PGC: variants seen among roughly 807,000 people sequenced by gnomAD.
The protein encoded by PGC is progastricsin, also known as gastricsin.
A neutral mutation model predicts 45.9 loss-of-function variants in PGC; 31 were observed. The ratio of observed to expected loss-of-function variants is 0.67; its 90% CI spans 0.51 to 0.91. PGC has a LOEUF of 0.91. PGC is among the 40% of genes least tolerant of loss of function. The pLI is 0.00. For synonymous variants in PGC, 192 were observed against 201.8 expected, an observed-to-expected ratio of 0.95 and a Z score of 0.41; for missense variants, 477 against 493.2, an observed-to-expected ratio of 0.97 and a Z score of 0.31.
intron 1 of PGC, among the ~76,000 whole-genome samples, chr6:41,745,211 G>A (rs1246180834): frequency 6.6e-6 from 1 of 150,734 alleles, no homozygotes; most frequent in Non-Finnish European, 1.5e-5. Context: ...AAGGAAGAGG[G>A]ACTTTAGGCT....
Position 41,746,162 on chromosome 6 carries a change from CA to C in PGC, c.59+1113del, listed in dbSNP as rs11461815. Among the ~76,000 whole-genome samples, 54 of 144,986 alleles carry C rather than the reference CA, an allele frequency of 3.7e-4. 1 individual carries two copies. The East Asian group carries it at 7.1e-3, about 19-fold the overall frequency. The stretch of plus-strand genomic sequence containing the variant: ...GGGCAACAAGAGCGAAGTTCTGTTT[CA>C]AAAAAAAAAACAAAGAAGATTTCAG... On this transcript the variant is annotated intron_variant, in intron 1 of 8. Transcript: ENST00000373025.
intron 5 of PGC, chr6:41,741,218 T>G (rs1581952448): frequency 3.3e-6 from 5 of 1,513,234 alleles, no homozygotes; most frequent in Non-Finnish European, 4.4e-6. Context: ...TGGAGCTGGG[T>G]GGAGCTGCTC....
In PGC at chr6:41,739,807, A is replaced by G; in HGVS notation, c.907T>C (p.Tyr303His). 1.2e-6 allele frequency: 2 copies of G among 1,613,042 alleles called. No individual in the cohort carries two copies. Among genetic ancestry groups the G allele is most frequent in the Non-Finnish European group, 1.7e-6 (2 of 1,179,480 alleles). ...LQATGAQEDE[Y>H]GQFLVNCNSI... The stretch of plus-strand genomic sequence containing the variant: ...ACCCTCACCAGTCACACCTGTCCAT[A>G]CTCATCCTCCTGGGCCCCTGTGGCC... Residue 303 changes from tyrosine to histidine, a missense_variant, in exon 7 of 9, where the codon TAT (tyrosine) becomes CAT (histidine). Coordinates refer to ENST00000373025, the MANE Select transcript of PGC (RefSeq NM_002630.4).
intron 7 of PGC, among the ~76,000 whole-genome samples, chr6:41,738,241 T>TATACATATATATATAC (rs1771751527): frequency 4.6e-5 from 1 of 21,782 alleles, no homozygotes; most frequent in Admixed American, 7.5e-4. Context: ...TATATATGTA[T>TATACATATATATATAC]ATATATATGC....
At chr6:41,743,706 T>G (rs540709113) in intron 3 of PGC, among the ~76,000 whole-genome samples, 2 of 152,196 alleles carry the variant, frequency 1.3e-5, no homozygotes, top group East Asian at 1.9e-4. Flanking sequence ...CAGTGCTGAG[T>G]AATTACTCAT....
At chr6:41,743,956 C>G (rs1225267794) in intron 3 of PGC, among the ~76,000 whole-genome samples, 1 of 152,120 alleles carries the variant, frequency 6.6e-6, no homozygotes. Flanking sequence ...AGTACGGAGC[C>G]CACATCCTAT....
At chr6:41,738,720 G>T (rs1268077947) in intron 7 of PGC, among the ~76,000 whole-genome samples, 1 of 152,118 alleles carries the variant, frequency 6.6e-6, no homozygotes, top group Non-Finnish European at 1.5e-5. Context: ...ACTTTGGGAG[G>T]CCAAGGCAGG....
At chr6:41,743,240 G>T in intron 4 of PGC, 31 bp downstream of exon 4, 2 of 1,302,166 alleles carry the variant, frequency 1.5e-6, no homozygotes, top group Non-Finnish European at 2.2e-6. Context: ...ATAGCTCACA[G>T]CCCCAGCCTC....
intron 5 of PGC, among the ~76,000 whole-genome samples, chr6:41,741,620 C>A (rs557340099): frequency 6.6e-6 from 1 of 152,162 alleles, no homozygotes; most frequent in East Asian, 1.9e-4. Flanking sequence ...CACTCCAGAC[C>A]GGGTGACAGA....
At chr6:41,738,251 C>CAT (rs552945752) in intron 7 of PGC, among the ~76,000 whole-genome samples, 1 of 11,686 alleles carries the variant, frequency 8.6e-5, no homozygotes, top group South Asian at 3.3e-3. Context: ...TATATATATG[C>CAT]ATATATATAT....
At chr6:41,741,079 A>AT (rs1360813646) in intron 5 of PGC, 2 of 1,536,962 alleles carry the variant, frequency 1.3e-6, no homozygotes, top group Non-Finnish European at 1.7e-6. Context: ...TCTGGTAGAC[A>AT]TGTCACCGGG....
rs1227562171 is a variant in PGC at position 41,739,951 on chromosome 6, A to T, written c.768-5T>A. ...GCCTGGCCGCCGATGAGGAACCTGT[A>T]TGGGGAGAAGACAGGCAGCCTCAGG... On this transcript the variant is annotated splice_polypyrimidine_tract_variant and splice_region_variant and intron_variant, in intron 6 of 8. Transcript: ENST00000373025. The T allele has an allele frequency of 9.9e-6, 16 of 1,613,436 alleles. No homozygotes were observed. Among genetic ancestry groups the T allele is most frequent in the Non-Finnish European group, 1.0e-5 (12 of 1,179,628 alleles).
chr6:41,741,352 G>T lies in PGC; in HGVS notation c.648-742C>A, dbSNP rs957046947. ...CAATGAAGCTAACTGTCTCTAGAAA[G>T]TGGCTGCCTAAGGCCGGGCGCAGTG... On this transcript the variant is annotated intron_variant, in intron 5 of 8. Coordinates refer to ENST00000373025, the MANE Select transcript of PGC (RefSeq NM_002630.4). 4.4e-6 allele frequency: 4 copies of T among 917,554 alleles called. No individual in the cohort carries two copies. The African/African-American group carries it at 6.8e-5, about 16-fold the overall frequency. 56.8% of individuals were successfully genotyped at this position (917,554 alleles called of 1,614,324 possible). A position where few individuals can be genotyped will look rare whatever the true frequency, so the allele number is the denominator to read the frequency against.
chr6:41,738,157 CATATATAT>C (rs1771731327), intron 7 of PGC, among the ~76,000 whole-genome samples: 1 of 27,786 alleles, frequency 3.6e-5, no homozygotes, highest in African/African-American at 1.2e-4. Context: ...TATATATATA[CATATATAT>C]GCATATATAT....
intron 1 of PGC, among the ~76,000 whole-genome samples, 183 bp downstream of exon 1, chr6:41,747,093 G>A (rs1771941441): frequency 6.6e-6 from 1 of 152,232 alleles, no homozygotes; most frequent in Non-Finnish European, 1.5e-5. Flanking sequence ...GTTTCCTGAA[G>A]GCAGGGGCTG....
intron 5 of PGC, chr6:41,741,989 A>T: frequency 1.5e-6 from 1 of 685,372 alleles, no homozygotes; most frequent in Non-Finnish European, 2.5e-6. Context: ...GCTGAGAATC[A>T]GAGCAGCAAA....
At chr6:41,745,258 G>T (rs1210767312) in intron 1 of PGC, among the ~76,000 whole-genome samples, 1 of 148,332 alleles carries the variant, frequency 6.7e-6, no homozygotes, top group Non-Finnish European at 1.5e-5. Context: ...TTTTTTTTGA[G>T]ACGCAGTTTC....
intron 1 of PGC, among the ~76,000 whole-genome samples, chr6:41,746,615 G>A (rs923082282): frequency 3.3e-5 from 5 of 152,128 alleles, no homozygotes; most frequent in African/African-American, 1.2e-4. Context: ...GAAATTCTCT[G>A]CTAAACCCCT....
rs143426939 is a variant in PGC, at chr6:41,745,965, C to T, written c.60-1157G>A. ...ATCACTTGAGGTCAGGAGTTCGAGA[C>T]CAGACTGGCCAAGATGGTGAAAACC... On this transcript the variant is annotated intron_variant, in intron 1 of 8. Coordinates refer to ENST00000373025, the MANE Select transcript of PGC (RefSeq NM_002630.4). 6.1e-3 allele frequency among the ~76,000 whole-genome samples: 921 copies of T among 151,658 alleles called. 25 individuals are homozygous for T. Among genetic ancestry groups the T allele is most frequent in the Admixed American group, 0.042 (639 of 15,248 alleles).
Sources: gnomAD v4.1 joint callset for allele counts (sites outside exome capture counted in the v4.1 genomes callset) on GRCh38, gnomAD v4.1.1 for gene constraint, MANE v1.5 for transcripts, NCBI Gene and HGNC (gene_info 2026-07-23, HGNC 2026-07-21) for gene names.